The following LRP1B variants were observed in gnomAD, a reference collection of about 807,000 sequenced individuals.
LRP1B encodes low-density lipoprotein receptor-related protein 1B.
Under a neutral mutation model 556.6 loss-of-function variants are expected in LRP1B, and 217 were observed. The observed-to-expected ratio is 0.39, with a 90% CI of 0.35 to 0.44. The LOEUF (loss-of-function observed/expected upper bound fraction) is 0.44. Among genes scored for constraint, LRP1B ranks in the 20% least tolerant of loss-of-function variants. LRP1B has a pLI of 1.00. For missense variants in LRP1B, 5,053 were observed against 5,620.8 expected, an observed-to-expected ratio of 0.90 and a Z score of 3.23; for synonymous variants, 2,047 against 1,865.8, an observed-to-expected ratio of 1.10 and a Z score of -2.50.
chr2:140,959,442 A>G (rs1265473995), intron 18 of LRP1B, among the ~76,000 whole-genome samples: 1 of 151,702 alleles, frequency 6.6e-6, no homozygotes, highest in Admixed American at 6.6e-5. Flanking sequence ...CTCATATCTA[A>G]CAATGATAAT....
intron 41 of LRP1B, among the ~76,000 whole-genome samples, chr2:140,648,132 C>A (rs558793536): frequency 6.6e-6 from 1 of 152,124 alleles, no homozygotes; most frequent in Non-Finnish European, 1.5e-5. Context: ...AGTTCACGTC[C>A]TTTGTAGGGA....
At chr2:141,431,446 A>C (rs1266156722) in intron 3 of LRP1B, among the ~76,000 whole-genome samples, 1 of 152,150 alleles carries the variant, frequency 6.6e-6, no homozygotes, top group East Asian at 1.9e-4. Flanking sequence ...AACCTGAACG[A>C]TCTTAGCAGC....
chr2:141,790,104 A>C (rs2105659595), intron 2 of LRP1B, among the ~76,000 whole-genome samples: 1 of 151,974 alleles, frequency 6.6e-6, no homozygotes, highest in South Asian at 2.1e-4. Context: ...AATGCCTTGG[A>C]CACACACCGT....
intron 2 of LRP1B, among the ~76,000 whole-genome samples, chr2:141,808,269 T>C (rs28468068): frequency 0.057 from 8,631 of 152,132 alleles, 265 homozygotes; most frequent in Middle Eastern, 0.085. Context: ...ATGTCCTTGT[T>C]ATTTTCTCCA....
chr2:140,754,113 C>T (rs1449737143), intron 35 of LRP1B, among the ~76,000 whole-genome samples: 1 of 152,182 alleles, frequency 6.6e-6, no homozygotes, highest in Admixed American at 6.5e-5. Flanking sequence ...CATCAAACCT[C>T]TCCCCAAAAG....
intron 41 of LRP1B, among the ~76,000 whole-genome samples, chr2:140,630,953 A>G (rs1683859957): frequency 6.6e-6 from 1 of 152,160 alleles, no homozygotes; most frequent in African/African-American, 2.4e-5. Context: ...ACATTCCCCC[A>G]AACCTTACCA....
chr2:141,443,810 C>A (rs1184483503), intron 3 of LRP1B, among the ~76,000 whole-genome samples: 2 of 152,156 alleles, frequency 1.3e-5, no homozygotes, highest in Non-Finnish European at 2.9e-5. Flanking sequence ...GTACTACTAC[C>A]ATGCTGTTTT....
chr2:141,167,291 T>C (rs568951397), intron 7 of LRP1B: 44 of 152,032 alleles, frequency 2.9e-4, no homozygotes, highest in African/African-American at 1.0e-3. Context: ...ATCATCTTTA[T>C]GCAGGAGACA....
intron 55 of LRP1B, among the ~76,000 whole-genome samples, chr2:140,498,075 AAAT>A (rs1689026458): frequency 6.6e-6 from 1 of 151,906 alleles, no homozygotes; most frequent in Non-Finnish European, 1.5e-5. Flanking sequence ...CAATGGAAGA[AAAT>A]AATAATCTTT....
At chr2:141,021,798 G>T (rs373640385) in intron 11 of LRP1B, among the ~76,000 whole-genome samples, 1 of 151,866 alleles carries the variant, frequency 6.6e-6, no homozygotes, top group African/African-American at 2.4e-5. Context: ...ATTCAGTGAC[G>T]CATCAGGAAA....
chr2:141,209,304 G>C (rs538948643), intron 6 of LRP1B, among the ~76,000 whole-genome samples: 1 of 152,092 alleles, frequency 6.6e-6, no homozygotes, highest in East Asian at 1.9e-4. Flanking sequence ...AGATCTGATG[G>C]TTTCATAAAG....
At chr2:140,562,456 C>T (rs1013791783) in intron 43 of LRP1B, among the ~76,000 whole-genome samples, 4 of 152,086 alleles carry the variant, frequency 2.6e-5, no homozygotes, top group Admixed American at 6.6e-5. Flanking sequence ...TCACAATTAT[C>T]TAGAGACTAG....
intron 35 of LRP1B, among the ~76,000 whole-genome samples, chr2:140,751,513 T>C (rs1300639839): frequency 1.3e-5 from 2 of 152,198 alleles, no homozygotes; most frequent in African/African-American, 4.8e-5. Context: ...TCTTTAAATT[T>C]CATACAGAAT....
intron 3 of LRP1B, among the ~76,000 whole-genome samples, chr2:141,350,320 T>G (rs528464558): frequency 4.7e-4 from 71 of 151,898 alleles, no homozygotes; most frequent in Admixed American, 2.0e-3. Context: ...AATGAAGAAA[T>G]GTGATGTTTA....
At chr2:141,007,009 T>C (rs1697595106) in intron 14 of LRP1B, among the ~76,000 whole-genome samples, 1 of 151,932 alleles carries the variant, frequency 6.6e-6, no homozygotes, top group African/African-American at 2.4e-5. Flanking sequence ...GTAATGTAAT[T>C]GTAGGGTCAT....
At chr2:141,347,938 T>C (rs1387218265) in intron 3 of LRP1B, among the ~76,000 whole-genome samples, 7 of 152,078 alleles carry the variant, frequency 4.6e-5, no homozygotes, top group Non-Finnish European at 1.5e-5. Context: ...GTCTAAAACA[T>C]TTCTTGAGAA....
chr2:141,282,465 TTATATGTATATGTATATG>T (rs71391648), intron 3 of LRP1B, among the ~76,000 whole-genome samples: 8 of 135,660 alleles, frequency 5.9e-5, no homozygotes, highest in African/African-American at 8.2e-5. Flanking sequence ...CTCGGGGGTT[TTATATGTATATGTATATG>T]TATATGTATA....
At chr2:142,088,997 G>GAAAAA (rs1285131830) in intron 1 of LRP1B, among the ~76,000 whole-genome samples, 3 of 22,900 alleles carry the variant, frequency 1.3e-4, no homozygotes, top group African/African-American at 1.2e-4. Flanking sequence ...AAAAAAAAAA[G>GAAAAA]AAAAAGAAAA....
intron 1 of LRP1B, among the ~76,000 whole-genome samples, chr2:142,056,898 C>A (rs978784959): frequency 4.4e-5 from 6 of 136,590 alleles, no homozygotes; most frequent in Non-Finnish European, 9.7e-5. Flanking sequence ...TCCTTTATTG[C>A]AATAAATATT....
Sources: allele counts gnomAD v4.1 joint callset (sites outside exome capture counted in the v4.1 genomes callset), GRCh38; gene constraint gnomAD v4.1.1; transcripts MANE v1.5; gene names NCBI Gene and HGNC (gene_info 2026-07-23, HGNC 2026-07-21).